The following ZNF554 variants were observed in gnomAD, a reference collection of about 807,000 sequenced individuals.
ZNF554 encodes the protein zinc finger protein 554.
ZNF554 carries 15 observed loss-of-function variants against 21.2 expected under a neutral mutation model. The observed-to-expected ratio is 0.71, with a 90% CI of 0.47 to 1.09. The LOEUF (loss-of-function observed/expected upper bound fraction) is 1.09. Ranked by LOEUF, ZNF554 falls within the 50% of genes least tolerant of loss-of-function variation. The probability of loss-of-function intolerance (pLI) is 0.00; values close to 1 mark genes in which losing one functional copy is unlikely to be tolerated. For synonymous variants in ZNF554, 258 were observed against 251.4 expected (o/e 1.03, Z -0.25); for missense variants, 691 against 662.7 (o/e 1.04, Z -0.47).
chr19:2,834,121 T>A lies in ZNF554; in HGVS notation c.886T>A (p.Phe296Ile). ...SHFIQHGGKM[F>I]VYLENGQSLN... ...CTTTATTCAACACGGGGGGAAGATGTTTGTGTATTTGGAAAATGGGCAGTC... is the reference window on the plus strand; with the variant it reads ...CTTTATTCAACACGGGGGGAAGATGATTGTGTATTTGGAAAATGGGCAGTC... Residue 296 changes from phenylalanine to isoleucine, a missense_variant, in exon 5 of 5, where the codon TTT becomes ATT. Phe to Ile is a conservative substitution (Grantham distance 21). Transcript: ENST00000317243. 2 of 1,613,992 alleles carry A rather than the reference T, an allele frequency of 1.2e-6. No individual in the cohort carries two copies. The highest frequency in any genetic ancestry group is 1.1e-5 in the South Asian group (1 of 91,072).
intron 1 of ZNF554, 81 bp from the exon 2 acceptor site, chr19:2,822,959 G>A: frequency 6.8e-7 from 1 of 1,474,650 alleles, no homozygotes; most frequent in Non-Finnish European, 9.3e-7. Flanking sequence ...TCAAGCAAAT[G>A]GAGGTTCTCC....
intron 1 of ZNF554, 107 bp from the exon 2 acceptor site, chr19:2,822,933 T>C (rs1568331646): frequency 9.1e-7 from 1 of 1,100,286 alleles, no homozygotes; most frequent in South Asian, 1.4e-5. Context: ...CCTCCCTCTG[T>C]GTATGGGGGG....
chr19:2,827,700 CAG>C lies in ZNF554; in HGVS notation c.215_216del (p.Glu72GlyfsTer21), dbSNP rs1412858630. ...LLEPAQKNLYREVMLENYRNV... is the reference protein window; with the variant it reads ...LLEPAQKNLYXEVMLENYRNV... Reference sequence around the variant, plus strand: ...TGGAGCCTGCTCAGAAGAACCTGTACAGAGAGGTGATGCTGGAGAACTACAGG... The same window carrying C: ...TGGAGCCTGCTCAGAAGAACCTGTACAGAGGTGATGCTGGAGAACTACAGG... On this transcript the variant is annotated frameshift_variant, in exon 3 of 5. Coordinates refer to ENST00000317243, the MANE Select transcript of ZNF554 (RefSeq NM_001102651.2). LOFTEE classifies it high-confidence loss of function. 1.2e-6 allele frequency: 2 copies of C among 1,614,052 alleles called. No individual in the cohort carries two copies. The highest frequency in any genetic ancestry group is 2.2e-5 in the South Asian group (2 of 91,058).
Position 2,821,243 on chromosome 19 carries a change from C to T in ZNF554, c.53+1119C>T, listed in dbSNP as rs909980538. Among the ~76,000 whole-genome samples the T allele has an allele frequency of 6.6e-6, 1 of 151,726 alleles. No individual in the cohort carries two copies. ...CTGGGATTACAGGTGCACGCCACCC[C>T]GCCTGGCTAATTTTTATATTTTTAG... On this transcript the variant is annotated intron_variant, in intron 1 of 4. Coordinates refer to ENST00000317243, the MANE Select transcript of ZNF554 (RefSeq NM_001102651.2). This position sits in a 1 kb window ranked among gnomAD's most constrained non-coding sequence, Gnocchi z 8.2.
Position 2,834,836 on chromosome 19 carries a change from A to G in ZNF554, c.1601A>G (p.His534Arg), listed in dbSNP as rs886443106. ...GGGAAAGCGTTCTACCAGAACAGAC[A>G]TCTTATTGGATATTAGCAATTGCAC... ...DCGKAFYQNR[H>R]LIGY is the part of the protein sequence containing the mutation. The change falls in exon 5 of 5, where the codon CAT becomes CGT. Residue 534 changes from histidine to arginine, a missense_variant. By Grantham distance (29) the His-to-Arg change is conservative. Transcript: ENST00000317243. The G allele has an allele frequency of 6.3e-7, 1 of 1,589,130 alleles. No individual in the cohort carries two copies. The highest frequency in any genetic ancestry group is 8.6e-7 in the Non-Finnish European group (1 of 1,164,550).
chr19:2,831,524 G>A (rs1421860807), intron 3 of ZNF554: 1 of 150,892 alleles, frequency 6.6e-6, no homozygotes, highest in Non-Finnish European at 1.5e-5. Flanking sequence ...TTGATCTCCT[G>A]ACCTCATGAT....
At position 2,833,799 on chromosome 19, in the gene ZNF554, G is replaced by C; in HGVS notation, c.564G>C (p.Gln188His). ...KLIREDGGWK[Q>H]LEDSHEDPQG... ...TCAGAGAAGATGGGGGATGGAAGCA[G>C]TTAGAGGACAGCCATGAAGACCCCC... The change falls in exon 5 of 5, where the codon CAG becomes CAC. Residue 188 changes from glutamine to histidine, a missense_variant. Physicochemically the swap from Gln to His is conservative, Grantham distance 24 (BLOSUM62 0). Transcript: ENST00000317243. 1 of 1,611,984 alleles carries C rather than the reference G, an allele frequency of 6.2e-7. No individual in the cohort carries two copies. Among genetic ancestry groups the C allele is most frequent in the Non-Finnish European group, 8.5e-7 (1 of 1,179,130 alleles).
In ZNF554 at chr19:2,820,013, G is replaced by GGCCT; in HGVS notation, c.-56_-53dup. On this transcript the variant is annotated 5_prime_UTR_variant, in exon 1 of 5. Transcript: ENST00000317243. ...CAGGGACACGCAGGGGAGGCCGGCC[G>GGCCT]GCCTGCACGGGGCGCTCCCGCCTCG... The GGCCT allele has an allele frequency of 8.5e-7, 1 of 1,177,590 alleles. No individual in the cohort carries two copies. The highest frequency in any genetic ancestry group is 3.6e-5 in the East Asian group (1 of 28,048). The allele number at this position is 1,177,590 out of a possible 1,614,324, so 72.9% of individuals were successfully genotyped here.
rs761251024 is a variant in ZNF554, at chr19:2,833,897, G to A, written c.662G>A (p.Gly221Glu). 1.2e-6 allele frequency: 2 copies of A among 1,613,968 alleles called. No individual in the cohort carries two copies. The highest frequency in any genetic ancestry group is 2.2e-5 in the South Asian group (2 of 91,082). Residue 221 changes from glycine to glutamate, a missense_variant, in exon 5 of 5, where the codon GGA becomes GAA. Physicochemically the swap from Gly to Glu is moderately conservative, Grantham distance 98. Coordinates refer to ENST00000317243, the MANE Select transcript of ZNF554 (RefSeq NM_001102651.2). ...CAGGAGAAGGCTACTGCATGGCATG[G>A]ATTTGGGGAAAATGGTAATCTGAGC... ...VPQEKATAWH[G>E]FGENGNLSPA...
In ZNF554 at chr19:2,833,949, C is replaced by A. The variant is rs1402514351; in HGVS notation, c.714C>A (p.Ser238Arg). The A allele has an allele frequency of 1.9e-6, 3 of 1,613,972 alleles. No homozygotes were observed. In the African/African-American group the frequency reaches 4.0e-5, roughly 22 times the overall value. ...LSPALVLSQGSSKGNHLCGSE... is the reference protein window; with the variant it reads ...LSPALVLSQGRSKGNHLCGSE... ...CAGCCCTTGTTTTATCACAGGGAAG[C>A]TCTAAAGGGAACCACTTGTGTGGCA... The change falls in exon 5 of 5, where the codon AGC (serine) becomes AGA (arginine). Residue 238 changes from serine (S) to arginine (R), a missense_variant. Coordinates refer to ENST00000317243, the MANE Select transcript of ZNF554 (RefSeq NM_001102651.2).
In ZNF554 at chr19:2,832,374, G is replaced by A. The variant is rs928367971; in HGVS notation, c.325G>A (p.Val109Ile). 1 of 1,614,038 alleles carries A rather than the reference G, an allele frequency of 6.2e-7. No individual in the cohort carries two copies. Among genetic ancestry groups the A allele is most frequent in the African/African-American group, 1.3e-5 (1 of 74,912 alleles). ...ACTTTCCCCAGCACAAACCTCACAA[G>A]TCACTAGTCTTTCCTCATGGACGGG... is the stretch of plus-strand genomic sequence containing the variant. ...GPLSPAQTSQ[V>I]TSLSSWTGYL... is the part of the protein sequence containing the mutation. The change falls in exon 4 of 5, where the codon GTC (valine) becomes ATC (isoleucine). Residue 109 changes from valine (V) to isoleucine (I), a missense_variant. Physicochemically the swap from Val to Ile is conservative, Grantham distance 29 (BLOSUM62 3). Transcript: ENST00000317243.
intron 1 of ZNF554, among the ~76,000 whole-genome samples, chr19:2,820,427 C>T (rs2087246941): frequency 6.6e-6 from 1 of 152,236 alleles, no homozygotes; most frequent in Non-Finnish European, 1.5e-5. Context: ...CACGCTCGCA[C>T]TGCAGTGAGG....
chr19:2,833,680 G>A lies in ZNF554; in HGVS notation c.446-1G>A. ...ATGGTTTCCGCCTCAATTTATTTCA[G>A]ATTGGATGACTGTACTAAGAAACCA... On this transcript the variant is annotated splice_acceptor_variant, in intron 4 of 4. Coordinates refer to ENST00000317243, the MANE Select transcript of ZNF554 (RefSeq NM_001102651.2). LOFTEE classifies it high-confidence loss of function. 1 of 1,513,180 alleles carries A rather than the reference G, an allele frequency of 6.6e-7. No homozygotes were observed. The highest frequency in any genetic ancestry group is 1.8e-4 in the Middle Eastern group (1 of 5,592). 93.7% of individuals were successfully genotyped at this position (1,513,180 alleles called of 1,614,324 possible). A position where few individuals can be genotyped will look rare whatever the true frequency, so the allele number is the denominator to read the frequency against.
At chr19:2,833,603 GA>G in intron 4 of ZNF554, 77 bp from the exon 5 acceptor site, 1 of 1,262,032 alleles carries the variant, frequency 7.9e-7, no homozygotes, top group Non-Finnish European at 1.1e-6. Flanking sequence ...GTAGATGTCA[GA>G]AGGACTTCTG....
intron 3 of ZNF554, among the ~76,000 whole-genome samples, chr19:2,829,011 C>T (rs1197257141): frequency 6.6e-6 from 1 of 152,038 alleles, no homozygotes; most frequent in East Asian, 1.9e-4. Flanking sequence ...AGCATTTGTA[C>T]TCTTTCTGCC....
chr19:2,825,470 C>T (rs2087319488), intron 2 of ZNF554, among the ~76,000 whole-genome samples: 1 of 152,172 alleles, frequency 6.6e-6, no homozygotes, highest in Non-Finnish European at 1.5e-5. Flanking sequence ...GCCACCATGC[C>T]TGGCTAATTT....
In ZNF554 at chr19:2,821,483, C is replaced by T. The variant is rs767044741; in HGVS notation, c.53+1359C>T. The stretch of plus-strand genomic sequence containing the variant: ...CTCACAAGTCTGGAGGCCAGAAGCC[C>T]AACATGAAGATGTGGTGGGGCCGTG... On this transcript the variant is annotated intron_variant, in intron 1 of 4. Coordinates refer to ENST00000317243, the MANE Select transcript of ZNF554 (RefSeq NM_001102651.2). This position sits in a 1 kb window ranked among gnomAD's most constrained non-coding sequence, Gnocchi z 8.2. 2.6e-5 allele frequency among the ~76,000 whole-genome samples: 4 copies of T among 151,800 alleles called. No homozygotes were observed. Among genetic ancestry groups the T allele is most frequent in the South Asian group, 2.1e-4 (1 of 4,828 alleles).
At position 2,827,743 on chromosome 19, in the gene ZNF554, G is replaced by A. The variant is rs201172870; in HGVS notation, c.253G>A (p.Glu85Lys). Residue 85 changes from glutamate (E) to lysine (K), a missense_variant and splice_region_variant, in exon 3 of 5, where the codon GAA becomes AAA. Glu to Lys is a moderately conservative substitution (Grantham distance 56). Coordinates refer to ENST00000317243, the MANE Select transcript of ZNF554 (RefSeq NM_001102651.2). ...LENYRNVVSLEALKNQCTDVG... is the reference protein window; with the variant it reads ...LENYRNVVSLKALKNQCTDVG... ...GAACTACAGGAACGTGGTCTCCCTG[G>A]GTAAGGCAAGCATCACTAATTCCTG... 8 of 1,613,684 alleles carry A rather than the reference G, an allele frequency of 5.0e-6. No individual in the cohort carries two copies. Among genetic ancestry groups the A allele is most frequent in the Non-Finnish European group, 6.8e-6 (8 of 1,179,910 alleles).
intron 1 of ZNF554, among the ~76,000 whole-genome samples, chr19:2,820,683 C>CTTTTTTTTTTTT (rs1568330714): frequency 1.2e-4 from 10 of 81,828 alleles, no homozygotes; most frequent in African/African-American, 4.8e-4. Context: ...CAGCAAGGGT[C>CTTTTTTTTTTTT]CTTTTTTTTT....
Sources: gnomAD v4.1 joint callset for allele counts (sites outside exome capture counted in the v4.1 genomes callset) on GRCh38, gnomAD v4.1.1 for gene constraint, Gnocchi (gnomAD v3.1) non-coding constraint, MANE v1.5 for transcripts, NCBI Gene and HGNC (gene_info 2026-07-23, HGNC 2026-07-21) for gene names.